The following DAPK2 variants were observed in gnomAD, a reference collection of about 807,000 sequenced individuals.
DAPK2 encodes the protein death associated protein kinase 2.
DAPK2 carries 35 observed loss-of-function variants against 44.1 expected under a neutral mutation model. That is an observed-to-expected ratio of 0.79 (90% CI 0.61 to 1.05). The LOEUF is 1.05. Among genes scored for constraint, DAPK2 ranks in the 50% least tolerant of loss-of-function variants. The pLI is 0.00. For synonymous variants in DAPK2, 174 were observed against 182.6 expected (o/e 0.95, Z 0.38); for missense variants, 453 against 483.2 (o/e 0.94, Z 0.59).
chr15:64,019,948 G>C (rs184788216), intron 1 of DAPK2, among the ~76,000 whole-genome samples: 1 of 152,276 alleles, frequency 6.6e-6, no homozygotes, highest in East Asian at 1.9e-4. Flanking sequence ...ATGCCACAGA[G>C]TCAATATTTA....
chr15:63,925,922 G>A lies in DAPK2; in HGVS notation c.812+19C>T. 6.2e-7 allele frequency: 1 copy of A among 1,614,088 alleles called. No individual in the cohort carries two copies. The highest frequency in any genetic ancestry group is 8.5e-7 in the Non-Finnish European group (1 of 1,179,980). On this transcript the variant is annotated intron_variant, in intron 7 of 10. Transcript: ENST00000261891. The stretch of plus-strand genomic sequence containing the variant: ...AGGGATCAGTACCTGAGAAACCAGT[G>A]GCTTCTCTGTCCTCTTACCGGGTCT...
chr15:63,931,094 C>A (rs923839085), intron 4 of DAPK2, among the ~76,000 whole-genome samples: 5 of 151,920 alleles, frequency 3.3e-5, no homozygotes, highest in Non-Finnish European at 5.9e-5. Flanking sequence ...GAAAAAGAGG[C>A]CTGAGAGAAC....
intron 3 of DAPK2, among the ~76,000 whole-genome samples, chr15:63,954,534 T>C (rs1452042081): frequency 2.0e-5 from 3 of 152,228 alleles, no homozygotes; most frequent in African/African-American, 7.2e-5. Context: ...AGTACAATGC[T>C]GTTTTGGTTA....
At chr15:63,977,096 C>CA (rs1313329094) in intron 2 of DAPK2, among the ~76,000 whole-genome samples, 3 of 109,206 alleles carry the variant, frequency 2.7e-5, no homozygotes, top group South Asian at 3.9e-4. Flanking sequence ...AAAAAAGAGG[C>CA]AAAAAAAGAG....
intron 3 of DAPK2, chr15:63,942,230 G>C: frequency 1.0e-6 from 1 of 985,372 alleles, no homozygotes; most frequent in Non-Finnish European, 1.2e-6. Context: ...CAGTCCAGGA[G>C]AGATGGTTTC....
rs557328611 is a variant in DAPK2 at position 64,031,245 on chromosome 15, T to A, written c.92+8925A>T. On this transcript the variant is annotated intron_variant, in intron 1 of 10. Transcript: ENST00000261891. The stretch of plus-strand genomic sequence containing the variant: ...CAGGAGGGCAGATTTTCTTTTTTTT[T>A]TTTTTGAGACAGGGTCTTGCTCTGT... Among the ~76,000 whole-genome samples the A allele has an allele frequency of 4.1e-3, 627 of 152,098 alleles. 5 individuals are homozygous for A. Among genetic ancestry groups the A allele is most frequent in the African/African-American group, 0.015 (604 of 41,512 alleles).
At chr15:64,037,510 C>G (rs567672789) in intron 1 of DAPK2, among the ~76,000 whole-genome samples, 2 of 152,320 alleles carry the variant, frequency 1.3e-5, no homozygotes, top group Admixed American at 1.3e-4. Context: ...TGTCTAGTGC[C>G]TTTCTCCACC....
chr15:64,039,154 G>A (rs1298733452), intron 1 of DAPK2, among the ~76,000 whole-genome samples: 1 of 152,172 alleles, frequency 6.6e-6, no homozygotes, highest in Non-Finnish European at 1.5e-5. Context: ...GCTGTCATGG[G>A]CATGCGTCCT....
chr15:63,924,954 G>A, intron 7 of DAPK2, 93 bp from the exon 9 acceptor site: 1 of 1,394,584 alleles, frequency 7.2e-7, no homozygotes. Flanking sequence ...CTATATTTTG[G>A]CATTATTTGG....
intron 2 of DAPK2, among the ~76,000 whole-genome samples, chr15:63,972,371 A>C (rs2078236388): frequency 1.3e-5 from 2 of 152,252 alleles, no homozygotes; most frequent in Admixed American, 1.3e-4. Context: ...CTACATTGCC[A>C]TGAATGAATG....
At chr15:63,994,870 GTGAGCCAC>G (rs2078912594) in intron 1 of DAPK2, among the ~76,000 whole-genome samples, 2 of 152,042 alleles carry the variant, frequency 1.3e-5, no homozygotes, top group African/African-American at 4.8e-5. Context: ...GATTACAGGC[GTGAGCCAC>G]TGTGCCTGGC....
At chr15:63,910,972 C>A (rs2078771447) in intron 10 of DAPK2, 2 of 152,266 alleles carry the variant, frequency 1.3e-5, no homozygotes, top group Non-Finnish European at 2.9e-5. Flanking sequence ...GTAATCCCAG[C>A]ATTTTGGGAG....
In DAPK2 at chr15:64,025,416, T is replaced by C. The variant is rs148657358; in HGVS notation, c.92+14754A>G. ...CAGCCACACTCCAAAGAGGGCAGGATTGACCTAGGTGGACAGTGCTTCTGG... is the reference window on the plus strand; with the variant it reads ...CAGCCACACTCCAAAGAGGGCAGGACTGACCTAGGTGGACAGTGCTTCTGG... On this transcript the variant is annotated intron_variant, in intron 1 of 10. Coordinates refer to ENST00000261891, the Ensembl canonical transcript of DAPK2. Among the ~76,000 whole-genome samples, 43 of 152,266 alleles carry C rather than the reference T, an allele frequency of 2.8e-4. No homozygotes were observed. In the East Asian group the frequency reaches 7.7e-3, roughly 27 times the overall value.
rs952914658 is a variant in DAPK2, at chr15:63,922,819, T to C, written c.858+1997A>G. ...GGGATTCACTGGTGTCCTGGTAGAATGTGGAGCCCAGGCCCTCAGAGCTCC... is the reference window on the plus strand; with the variant it reads ...GGGATTCACTGGTGTCCTGGTAGAACGTGGAGCCCAGGCCCTCAGAGCTCC... On this transcript the variant is annotated intron_variant, in intron 8 of 10. Coordinates refer to ENST00000261891, the Ensembl canonical transcript of DAPK2. 10 of 1,535,728 alleles carry C rather than the reference T, an allele frequency of 6.5e-6. No individual in the cohort carries two copies. The African/African-American group carries it at 1.4e-4, about 21-fold the overall frequency.
intron 1 of DAPK2, among the ~76,000 whole-genome samples, chr15:64,016,524 T>A (rs184958979): frequency 7.2e-4 from 110 of 152,288 alleles, no homozygotes; most frequent in Admixed American, 2.8e-3. Context: ...CTGGGTGCAA[T>A]GTCTCAAGCC....
chr15:63,960,329 GT>G (rs1394589234), intron 3 of DAPK2, among the ~76,000 whole-genome samples: 1 of 152,068 alleles, frequency 6.6e-6, no homozygotes, highest in Non-Finnish European at 1.5e-5. Flanking sequence ...TTTTTGAAGG[GT>G]TTTTTGTGTC....
chr15:63,998,791 G>A (rs2079013900), intron 1 of DAPK2, among the ~76,000 whole-genome samples: 1 of 152,198 alleles, frequency 6.6e-6, no homozygotes, highest in African/African-American at 2.4e-5. Context: ...CTGAAAGGAA[G>A]GGACAGTGCT....
chr15:63,908,215 G>A lies in DAPK2; in HGVS notation c.*305C>T, dbSNP rs2078698431. ...ACCTTCACCCCGTGATGATGAGGATGTCCTTTATATTGTTTTCCTAAGTCC... is the reference window on the plus strand; with the variant it reads ...ACCTTCACCCCGTGATGATGAGGATATCCTTTATATTGTTTTCCTAAGTCC... On this transcript the variant is annotated 3_prime_UTR_variant, in exon 11 of 11. Coordinates refer to ENST00000261891, the Ensembl canonical transcript of DAPK2. This position sits in a 1 kb window ranked among gnomAD's most constrained non-coding sequence, Gnocchi z 5.7. 4.3e-6 allele frequency: 1 copy of A among 234,094 alleles called. No homozygotes were observed. The highest frequency in any genetic ancestry group is 5.7e-5 in the Admixed American group (1 of 17,658). 14.5% of individuals were successfully genotyped at this position (234,094 alleles called of 1,614,324 possible).
Position 63,908,753 on chromosome 15 carries a change from G to A in DAPK2, c.1033-153C>T. 1 of 519,668 alleles carries A rather than the reference G, an allele frequency of 1.9e-6. No individual in the cohort carries two copies. The highest frequency in any genetic ancestry group is 2.0e-5 in the African/African-American group (1 of 50,416). 32.2% of individuals were successfully genotyped at this position (519,668 alleles called of 1,614,324 possible). A position where few individuals can be genotyped will look rare whatever the true frequency, so the allele number is the denominator to read the frequency against. ...AAAGCAAGCCTGCTGATCCATCCAG[G>A]GGCTGGGGGATGGGAGGGATCTGAA... On this transcript the variant is annotated intron_variant, in intron 10 of 10. Coordinates refer to ENST00000261891, the Ensembl canonical transcript of DAPK2. This position sits in a 1 kb window ranked among gnomAD's most constrained non-coding sequence, Gnocchi z 5.7.
Sources: gnomAD v4.1 joint callset for allele counts (sites outside exome capture counted in the v4.1 genomes callset) on GRCh38, gnomAD v4.1.1 for gene constraint, Gnocchi (gnomAD v3.1) non-coding constraint, MANE v1.5 for transcripts, NCBI Gene and HGNC (gene_info 2026-07-23, HGNC 2026-07-21) for gene names.